The following CLPTM1L variants were observed in gnomAD, a reference collection of about 807,000 sequenced individuals.
The protein encoded by CLPTM1L is CLPTM1 like, also known as lipid scramblase CLPTM1L.
In CLPTM1L, 38 loss-of-function variants were observed where a neutral mutation model predicts 70.9. The ratio of observed to expected loss-of-function variants is 0.54; its 90% CI spans 0.41 to 0.70. The LOEUF is 0.70. CLPTM1L is among the 30% of genes least tolerant of loss of function. The probability of loss-of-function intolerance (pLI) is 0.00; values close to 1 mark genes in which losing one functional copy is unlikely to be tolerated. For missense variants in CLPTM1L, 652 were observed against 705.9 expected (o/e 0.92, Z 0.87); for synonymous variants, 339 against 299.9 (o/e 1.13, Z -1.35).
chr5:1,338,218 GCCT>G (rs2111250268), intron 4 of CLPTM1L: 1 of 579,764 alleles, frequency 1.7e-6, no homozygotes, highest in Non-Finnish European at 3.1e-6. Flanking sequence ...GTGGGAAAAT[GCCT>G]CCACGGCCAC....
chr5:1,341,979 T>C (rs1753963946), intron 2 of CLPTM1L, 119 bp from the exon 3 acceptor site: 2 of 771,852 alleles, frequency 2.6e-6, no homozygotes, highest in Non-Finnish European at 4.1e-6. Flanking sequence ...GTACTAAAAA[T>C]GAAACCCACC....
At chr5:1,337,127 G>A (rs1030957676) in intron 5 of CLPTM1L, among the ~76,000 whole-genome samples, 1 of 152,206 alleles carries the variant, frequency 6.6e-6, no homozygotes, top group Non-Finnish European at 1.5e-5. Context: ...CAGCGATCCT[G>A]CAGGGCCCCA....
chr5:1,323,899 G>A (rs776771733), intron 11 of CLPTM1L, 30 bp from the exon 12 acceptor site: 3 of 1,556,292 alleles, frequency 1.9e-6, no homozygotes, highest in Non-Finnish European at 2.7e-6. Flanking sequence ...CTTCCAGTTA[G>A]AGGCCCAAAC....
intron 5 of CLPTM1L, among the ~76,000 whole-genome samples, chr5:1,337,003 G>C (rs1753615838): frequency 1.3e-5 from 2 of 152,326 alleles, no homozygotes; most frequent in African/African-American, 4.8e-5. Context: ...CAACAAAAAA[G>C]GGGAAAGGGC....
intron 3 of CLPTM1L, 52 bp from the exon 4 acceptor site, chr5:1,339,057 G>A (rs1468003648): frequency 4.4e-6 from 7 of 1,586,296 alleles, no homozygotes; most frequent in Admixed American, 1.8e-5. Flanking sequence ...ACCATGCCCA[G>A]GACAGCAGGG....
At chr5:1,322,235 T>C (rs1752199626) in intron 13 of CLPTM1L, among the ~76,000 whole-genome samples, 1 of 152,170 alleles carries the variant, frequency 6.6e-6, no homozygotes, top group Non-Finnish European at 1.5e-5. Context: ...CCCTCGCCCT[T>C]AATGCTCACG....
At position 1,328,508 on chromosome 5, in the gene CLPTM1L, T is replaced by C. The variant is rs866128831; in HGVS notation, c.1080+1772A>G. 3.2e-3 allele frequency among the ~76,000 whole-genome samples: 390 copies of C among 122,876 alleles called. 4 individuals carry two copies. Among genetic ancestry groups the C allele is most frequent in the African/African-American group, 0.011 (314 of 29,682 alleles). The allele number at this position is 122,876 out of a possible 152,430, so 80.6% of individuals were successfully genotyped here. ...CCAGCTCCTCCTCTACAGACACATT[T>C]CATCCAGCTCCTCCTCTGCAGACAC... On this transcript the variant is annotated intron_variant, in intron 9 of 16. Transcript: ENST00000320895.
rs779145350 is a variant in CLPTM1L, at chr5:1,338,937, C to T, written c.522G>A (p.Leu174=). The change falls in exon 4 of 17, where the codon CTG becomes CTA. Residue 174 remains leucine, a synonymous_variant. Coordinates refer to ENST00000320895, the MANE Select transcript of CLPTM1L (RefSeq NM_030782.5). The part of the protein sequence containing the change: ...DEPVSHWRPR[L]ALNVMADNFV... Reference sequence around the variant, plus strand: ...AGTTGTCCGCCATCACGTTCAGCGCCAGCCGCGGTCGCCAGTGGGACACTG... The same window carrying T: ...AGTTGTCCGCCATCACGTTCAGCGCTAGCCGCGGTCGCCAGTGGGACACTG... The T allele has an allele frequency of 6.2e-7, 1 of 1,613,376 alleles. No individual in the cohort carries two copies. The highest frequency in any genetic ancestry group is 1.1e-5 in the South Asian group (1 of 91,090).
chr5:1,325,051 G>A, intron 10 of CLPTM1L: 2 of 587,134 alleles, frequency 3.4e-6, no homozygotes, highest in South Asian at 2.1e-5. Context: ...CGGCCTCACT[G>A]CTGTTCCTTG....
chr5:1,341,980 G>A (rs1753964114), intron 2 of CLPTM1L, 120 bp from the exon 3 acceptor site: 4 of 749,934 alleles, frequency 5.3e-6, no homozygotes, highest in South Asian at 1.9e-5. Context: ...TACTAAAAAT[G>A]AAACCCACCT....
At chr5:1,334,975 G>A (rs964278013) in intron 6 of CLPTM1L, 82 bp downstream of exon 6, 15 of 1,020,696 alleles carry the variant, frequency 1.5e-5, no homozygotes, top group African/African-American at 7.9e-5. Context: ...AGGAGGCCCC[G>A]GCCTGTGTCA....
At chr5:1,322,192 A>C (rs538636228) in intron 13 of CLPTM1L, among the ~76,000 whole-genome samples, 1 of 152,316 alleles carries the variant, frequency 6.6e-6, no homozygotes, top group South Asian at 2.1e-4. Context: ...GGAGGACGGC[A>C]GTGCGGGACC....
chr5:1,327,562 G>GGGACATTCCATCCAGCTCCTC (rs1752692185), intron 9 of CLPTM1L, among the ~76,000 whole-genome samples: 4 of 41,066 alleles, frequency 9.7e-5, no homozygotes, highest in African/African-American at 1.9e-4. Context: ...TCCAGCTCCT[G>GGGACATTCCATCCAGCTCCTC]CTCTACAGGG....
chr5:1,339,409 G>C (rs1376564814), intron 3 of CLPTM1L, among the ~76,000 whole-genome samples: 3 of 121,276 alleles, frequency 2.5e-5, no homozygotes. Flanking sequence ...AACCTGTGAA[G>C]AGAACGGCCA....
At position 1,334,281 on chromosome 5, in the gene CLPTM1L, T is replaced by C. The variant is rs113703059; in HGVS notation, c.891+8A>G. 2 of 1,610,818 alleles carry C rather than the reference T, an allele frequency of 1.2e-6. No homozygotes were observed. The highest frequency in any genetic ancestry group is 1.3e-5 in the African/African-American group (1 of 74,816). ...TGCCTGCGGCAAGCCCCCCGGTGGA[T>C]GACTCACATGGAACGCTGCGACAAA... On this transcript the variant is annotated splice_region_variant and intron_variant, in intron 7 of 16. Coordinates refer to ENST00000320895, the MANE Select transcript of CLPTM1L (RefSeq NM_030782.5).
rs570126762 is a variant in CLPTM1L, at chr5:1,328,324, C to T, written c.1080+1956G>A. On this transcript the variant is annotated intron_variant, in intron 9 of 16. Transcript: ENST00000320895. Reference sequence around the variant, plus strand: ...TACATTTCATCCAGCTACTCCTCTACGGACACATTTCATCCAGCTCCTCCT... The same window carrying T: ...TACATTTCATCCAGCTACTCCTCTATGGACACATTTCATCCAGCTCCTCCT... Among the ~76,000 whole-genome samples the T allele has an allele frequency of 1.5e-3, 88 of 57,052 alleles. 1 individual carries two copies. Among genetic ancestry groups the T allele is most frequent in the African/African-American group, 8.0e-3 (80 of 9,956 alleles). The allele number at this position is 57,052 out of a possible 152,430, so 37.4% of individuals were successfully genotyped here.
intron 3 of CLPTM1L, among the ~76,000 whole-genome samples, chr5:1,340,853 C>T (rs1233459234): frequency 6.6e-6 from 1 of 152,250 alleles, no homozygotes; most frequent in Non-Finnish European, 1.5e-5. Context: ...CATCATCTCA[C>T]CTCACGGGTT....
intron 3 of CLPTM1L, among the ~76,000 whole-genome samples, chr5:1,339,753 A>T (rs1251892708): frequency 1.5e-5 from 1 of 64,644 alleles, no homozygotes; most frequent in African/African-American, 9.9e-5. Context: ...ACATGGAAAA[A>T]CCGCGCCCGG....
At chr5:1,330,412 G>T in intron 8 of CLPTM1L, 29 bp from the exon 9 acceptor site, 1 of 1,590,054 alleles carries the variant, frequency 6.3e-7, no homozygotes, top group Non-Finnish European at 8.6e-7. Flanking sequence ...GGCTGGGAGG[G>T]GGTGCAGGGC....
Sources: gnomAD v4.1 joint callset for allele counts (sites outside exome capture counted in the v4.1 genomes callset) on GRCh38, gnomAD v4.1.1 for gene constraint, MANE v1.5 for transcripts, NCBI Gene and HGNC (gene_info 2026-07-23, HGNC 2026-07-21) for gene names.